Variants in ATXN10 observed in about 807,000 individuals in gnomAD.
The protein encoded by ATXN10 is ataxin-10.
Under a neutral mutation model 52.9 loss-of-function variants are expected in ATXN10, and 28 were observed. The observed-to-expected ratio is 0.53, with a 90% confidence interval of 0.39 to 0.73. The LOEUF (loss-of-function observed/expected upper bound fraction) is 0.73. Among genes scored for constraint, ATXN10 ranks in the 30% least tolerant of loss-of-function variants. The pLI is 0.00. For synonymous variants in ATXN10, 226 were observed against 221.5 expected, an observed-to-expected ratio of 1.02 and a Z score of -0.18; for missense variants, 565 against 577.0, an observed-to-expected ratio of 0.98 and a Z score of 0.21.
At position 45,841,904 on chromosome 22, in the gene ATXN10, T is replaced by G. The variant is rs1929356699; in HGVS notation, c.1238-1087T>G. On this transcript the variant is annotated intron_variant, in intron 10 of 11. Coordinates refer to ENST00000252934, the MANE Select transcript of ATXN10 (RefSeq NM_013236.4). The surrounding 1 kb of genome is among the most constrained non-coding windows in gnomAD (Gnocchi z 5.1). The stretch of plus-strand genomic sequence containing the variant: ...GACTTGGCTCTTTAGCTCTAGGGTT[T>G]GATACCTTGTGGGGACACTGACTCC... Among the ~76,000 whole-genome samples the G allele has an allele frequency of 6.6e-6, 1 of 152,218 alleles. No individual in the cohort carries two copies.
intron 9 of ATXN10, among the ~76,000 whole-genome samples, chr22:45,752,126 A>G (rs977369418): frequency 2.0e-5 from 3 of 152,202 alleles, no homozygotes; most frequent in Admixed American, 6.5e-5. Flanking sequence ...TTTTTACTCC[A>G]AATAGAAATG....
intron 1 of ATXN10, among the ~76,000 whole-genome samples, chr22:45,680,410 G>C (rs1922874500): frequency 6.6e-6 from 1 of 152,148 alleles, no homozygotes; most frequent in Non-Finnish European, 1.5e-5. Context: ...AAATTGACCT[G>C]TGGATTCAAT....
intron 9 of ATXN10, among the ~76,000 whole-genome samples, chr22:45,794,492 C>T (rs927065781): frequency 6.2e-5 from 9 of 145,638 alleles, no homozygotes; most frequent in African/African-American, 2.0e-4. Flanking sequence ...CTCAGTCTTT[C>T]TGGAATTTTC....
In ATXN10 at chr22:45,702,803, T is replaced by C; in HGVS notation, c.603T>C (p.Ile201=). 1.9e-6 allele frequency: 3 copies of C among 1,613,930 alleles called. No homozygotes were observed. The highest frequency in any genetic ancestry group is 2.5e-6 in the Non-Finnish European group (3 of 1,179,906). ...KELEENLNIA[I]DVIDAYQKHP... is the part of the protein sequence containing the mutation. ...TGGAGGAGAACCTCAATATTGCAAT[T>C]GATGTCATAGATGCTTACCAAAAAC... The change falls in exon 5 of 12, where the codon ATT becomes ATC. Residue 201 remains isoleucine, a synonymous_variant. Coordinates refer to ENST00000252934, the MANE Select transcript of ATXN10 (RefSeq NM_013236.4).
At chr22:45,674,357 TG>T (rs1922597444) in intron 1 of ATXN10, 1 of 152,244 alleles carries the variant, frequency 6.6e-6, no homozygotes, top group Admixed American at 6.5e-5. Flanking sequence ...CCAGGAAAGG[TG>T]AACTGATGTG....
intron 9 of ATXN10, among the ~76,000 whole-genome samples, chr22:45,788,854 GT>G (rs1483121805): frequency 6.6e-6 from 1 of 152,034 alleles, no homozygotes; most frequent in African/African-American, 2.4e-5. Flanking sequence ...TCGCCGTGTT[GT>G]TCAGACTGGT....
rs775757927 is a variant in ATXN10, at chr22:45,693,041, T to A, written c.354T>A (p.Phe118Leu). 1 of 1,614,150 alleles carries A rather than the reference T, an allele frequency of 6.2e-7. No homozygotes were observed. The highest frequency in any genetic ancestry group is 8.5e-7 in the Non-Finnish European group (1 of 1,179,998). ...IGVAVDLILLFRELRVEQESL... is the reference protein window; with the variant it reads ...IGVAVDLILLLRELRVEQESL... ...TTGCTGTTGATTTGATTCTTCTGTTTCGTGAACTGCGAGTGGAACAGGAAT... is the reference window on the plus strand; with the variant it reads ...TTGCTGTTGATTTGATTCTTCTGTTACGTGAACTGCGAGTGGAACAGGAAT... The change falls in exon 3 of 12, where the codon TTT (phenylalanine) becomes TTA (leucine). Residue 118 changes from phenylalanine to leucine, a missense_variant. By Grantham distance (22) the Phe-to-Leu change is conservative (BLOSUM62 0). Coordinates refer to ENST00000252934, the MANE Select transcript of ATXN10 (RefSeq NM_013236.4).
intron 9 of ATXN10, among the ~76,000 whole-genome samples, chr22:45,796,463 G>T (rs1196660633): frequency 3.9e-5 from 6 of 152,200 alleles, no homozygotes; most frequent in African/African-American, 1.4e-4. Context: ...CCCACACCCT[G>T]TTTGTACACC....
At position 45,693,043 on chromosome 22, in the gene ATXN10, G is replaced by T. The variant is rs765130423; in HGVS notation, c.356G>T (p.Arg119Leu). 4 of 1,614,006 alleles carry T rather than the reference G, an allele frequency of 2.5e-6. No homozygotes were observed. Among genetic ancestry groups the T allele is most frequent in the Non-Finnish European group, 2.5e-6 (3 of 1,179,956 alleles). Reference sequence around the variant, plus strand: ...GCTGTTGATTTGATTCTTCTGTTTCGTGAACTGCGAGTGGAACAGGAATCT... The same window carrying T: ...GCTGTTGATTTGATTCTTCTGTTTCTTGAACTGCGAGTGGAACAGGAATCT... Reference protein sequence around the residue: ...GVAVDLILLFRELRVEQESLL... With the variant: ...GVAVDLILLFLELRVEQESLL... The change falls in exon 3 of 12, where the codon CGT becomes CTT. Residue 119 changes from arginine (R) to leucine (L), a missense_variant. Transcript: ENST00000252934.
At position 45,744,385 on chromosome 22, in the gene ATXN10, G is replaced by T. The variant is rs1167791967; in HGVS notation, c.1173+3847G>T. 1 of 152,254 alleles carries T rather than the reference G, an allele frequency of 6.6e-6. No individual in the cohort carries two copies. Among genetic ancestry groups the T allele is most frequent in the Non-Finnish European group, 1.5e-5 (1 of 68,084 alleles). 9.4% of individuals were successfully genotyped at this position (152,254 alleles called of 1,614,324 possible). Reference sequence around the variant, plus strand: ...CCTGCTGGATGGCCCTCTTACACTTGTGTGGCACTTTCCATTTTCCAGAGC... The same window carrying T: ...CCTGCTGGATGGCCCTCTTACACTTTTGTGGCACTTTCCATTTTCCAGAGC... On this transcript the variant is annotated intron_variant, in intron 9 of 11. Coordinates refer to ENST00000252934, the MANE Select transcript of ATXN10 (RefSeq NM_013236.4). The surrounding 1 kb of genome is among the most constrained non-coding windows in gnomAD (Gnocchi z 4.9).
chr22:45,735,315 A>T (rs1340642353), intron 7 of ATXN10, among the ~76,000 whole-genome samples: 2 of 151,598 alleles, frequency 1.3e-5, no homozygotes, highest in African/African-American at 2.4e-5. Flanking sequence ...TTTAATTGAG[A>T]CAGGGTCTCG....
At chr22:45,720,940 G>A (rs1236545303) in intron 6 of ATXN10, among the ~76,000 whole-genome samples, 1 of 152,234 alleles carries the variant, frequency 6.6e-6, no homozygotes, top group East Asian at 1.9e-4. Context: ...GAGAGGGCAA[G>A]TGAGTGCATG....
intron 9 of ATXN10, among the ~76,000 whole-genome samples, chr22:45,764,804 A>AT (rs374596184): frequency 2.0e-5 from 3 of 152,198 alleles, no homozygotes; most frequent in African/African-American, 7.2e-5. Flanking sequence ...CTCCACACAC[A>AT]TTCTGTTGAA....
At chr22:45,804,538 G>A (rs1018380547) in intron 9 of ATXN10, among the ~76,000 whole-genome samples, 10 of 152,156 alleles carry the variant, frequency 6.6e-5, no homozygotes, top group Admixed American at 3.3e-4. Context: ...GGGACATGGC[G>A]TTTGGAATAG....
intron 9 of ATXN10, among the ~76,000 whole-genome samples, chr22:45,748,838 C>A (rs1286950969): frequency 6.6e-6 from 1 of 152,172 alleles, no homozygotes; most frequent in African/African-American, 2.4e-5. Context: ...CCTGAACTTA[C>A]AGTTCCTGTA....
intron 1 of ATXN10, chr22:45,674,834 A>G (rs1569018600): frequency 6.6e-6 from 1 of 152,220 alleles, no homozygotes; most frequent in African/African-American, 2.4e-5. Context: ...AGAATCATAG[A>G]CATAATGTAG....
chr22:45,813,304 T>C (rs1015316081), intron 10 of ATXN10, among the ~76,000 whole-genome samples: 1 of 152,066 alleles, frequency 6.6e-6, no homozygotes, highest in Admixed American at 6.5e-5. Flanking sequence ...TTGATCTGTG[T>C]TTTGATCGGT....
chr22:45,721,713 G>C (rs747031071), intron 6 of ATXN10, among the ~76,000 whole-genome samples: 29 of 152,128 alleles, frequency 1.9e-4, no homozygotes, highest in Non-Finnish European at 4.1e-4. Flanking sequence ...GCACCATGTA[G>C]CCCTTGTCAT....
intron 3 of ATXN10, among the ~76,000 whole-genome samples, chr22:45,694,974 C>T (rs1236004252): frequency 1.8e-4 from 27 of 146,614 alleles, no homozygotes; most frequent in African/African-American, 2.9e-4. Context: ...AAACAAAACC[C>T]CAGAAAATTT....
Sources: allele counts gnomAD v4.1 joint callset (sites outside exome capture counted in the v4.1 genomes callset), GRCh38; gene constraint gnomAD v4.1.1; non-coding constraint Gnocchi (gnomAD v3.1); transcripts MANE v1.5; gene names NCBI Gene and HGNC (gene_info 2026-07-23, HGNC 2026-07-21).